MAP1B: variants seen among roughly 807,000 people sequenced by gnomAD.
The protein encoded by MAP1B is microtubule associated protein 1B, also known as microtubule-associated protein 1B.
A neutral mutation model predicts 176.1 loss-of-function variants in MAP1B; 12 were observed. The observed-to-expected ratio is 0.07, with a 90% CI of 0.04 to 0.11. The LOEUF is 0.11. Ranked by LOEUF, MAP1B falls within the 10% of genes least tolerant of loss-of-function variation. The pLI, the probability that MAP1B is intolerant of heterozygous loss-of-function variation, is 1.00. For missense variants in MAP1B, 2,523 were observed against 2,990.5 expected (o/e 0.84, Z 3.65); for synonymous variants, 1,044 against 1,135.0 (o/e 0.92, Z 1.61).
In MAP1B at chr5:72,195,707, C is replaced by G; in HGVS notation, c.2352C>G (p.Val784=). The G allele has an allele frequency of 1.9e-6, 3 of 1,614,190 alleles. No homozygotes were observed. Among genetic ancestry groups the G allele is most frequent in the Non-Finnish European group, 2.5e-6 (3 of 1,180,026 alleles). ...GKPKEKGKIK[V]IKKEGKAAEA... ...CAAAGGAGAAGGGGAAAATAAAAGT[C>G]ATTAAGAAGGAAGGCAAGGCCGCAG... The change falls in exon 5 of 7, where the codon GTC becomes GTG. Residue 784 remains valine (V), a synonymous_variant. Coordinates refer to ENST00000296755, the MANE Select transcript of MAP1B (RefSeq NM_005909.5).
intron 2 of MAP1B, among the ~76,000 whole-genome samples, chr5:72,176,477 G>A (rs1366108650): frequency 6.6e-6 from 1 of 152,200 alleles, no homozygotes; most frequent in East Asian, 1.9e-4. Flanking sequence ...TTTCGTCCAT[G>A]AAGAGAAGAT....
At position 72,138,633 on chromosome 5, in the gene MAP1B, T is replaced by C. The variant is rs551217783; in HGVS notation, c.286+22834T>C. Among the ~76,000 whole-genome samples, 6 of 152,346 alleles carry C rather than the reference T, an allele frequency of 3.9e-5. No individual in the cohort carries two copies. The East Asian group carries it at 5.8e-4, about 15-fold the overall frequency. On this transcript the variant is annotated intron_variant, in intron 2 of 6. Transcript: ENST00000296755. Reference sequence around the variant, plus strand: ...GAAAAAAACCTGAAGTTCTCAACAATAGGGCATGTATAATCAGTAATGATT... The same window carrying C: ...GAAAAAAACCTGAAGTTCTCAACAACAGGGCATGTATAATCAGTAATGATT...
chr5:72,195,260 G>A lies in MAP1B; in HGVS notation c.1905G>A (p.Glu635=), dbSNP rs770695366. 3 of 1,613,624 alleles carry A rather than the reference G, an allele frequency of 1.9e-6. No homozygotes were observed. In the African/African-American group the frequency reaches 4.0e-5, roughly 22 times the overall value. ...ATDVKPKAAK[E]KTVKKETKVK... ...ATGTCAAACCCAAAGCTGCCAAGGA[G>A]AAGACGGTGAAAAAGGAAACAAAGG... Residue 635 remains glutamate (E), a synonymous_variant, in exon 5 of 7, where the codon GAG becomes GAA. Coordinates refer to ENST00000296755, the MANE Select transcript of MAP1B (RefSeq NM_005909.5).
At chr5:72,146,231 G>T (rs894171815) in intron 2 of MAP1B, among the ~76,000 whole-genome samples, 19 of 152,044 alleles carry the variant, frequency 1.2e-4, no homozygotes, top group African/African-American at 4.1e-4. Flanking sequence ...AATGCCCCAG[G>T]GCTGGATCTT....
chr5:72,116,314 C>T (rs185607171), intron 2 of MAP1B: 2 of 302,016 alleles, frequency 6.6e-6, no homozygotes, highest in African/African-American at 2.3e-5. Flanking sequence ...TATACATCAT[C>T]ATTTCATAAT....
intron 1 of MAP1B, among the ~76,000 whole-genome samples, chr5:72,110,375 C>G (rs560101050): frequency 1.2e-4 from 18 of 152,350 alleles, no homozygotes; most frequent in Admixed American, 1.1e-3. Context: ...GCAGATGCTG[C>G]TTTTCCTCTG....
At chr5:72,112,314 C>T (rs538530837) in intron 1 of MAP1B, among the ~76,000 whole-genome samples, 12 of 152,184 alleles carry the variant, frequency 7.9e-5, no homozygotes, top group African/African-American at 2.9e-4. Flanking sequence ...CCACTGTCAC[C>T]TTTAGAAATA....
chr5:72,145,001 T>C (rs1041959505), intron 2 of MAP1B, among the ~76,000 whole-genome samples: 1 of 152,196 alleles, frequency 6.6e-6, no homozygotes, highest in African/African-American at 2.4e-5. Context: ...CTATCTCTGG[T>C]GCTGCCTGTG....
chr5:72,108,880 C>T (rs1169520133), intron 1 of MAP1B, among the ~76,000 whole-genome samples: 2 of 152,198 alleles, frequency 1.3e-5, no homozygotes, highest in Non-Finnish European at 2.9e-5. Context: ...TCGCTCCTGA[C>T]AGAGGTCGCC....
intron 4 of MAP1B, among the ~76,000 whole-genome samples, chr5:72,187,491 T>A (rs1746933180): frequency 6.6e-6 from 1 of 152,166 alleles, no homozygotes; most frequent in South Asian, 2.1e-4. Flanking sequence ...CTTACATGTT[T>A]ATAGCAATTA....
Position 72,107,682 on chromosome 5 carries a change from C to G in MAP1B, c.151C>G (p.His51Asp). Residue 51 changes from histidine to aspartate, a missense_variant, in exon 1 of 7, where the codon CAC becomes GAC. By Grantham distance (81) the His-to-Asp change is moderately conservative. Coordinates refer to ENST00000296755, the MANE Select transcript of MAP1B (RefSeq NM_005909.5). ...VVVGEIVTEE[H>D]LRRAIGNIEL... ...CGTCGGCGAGATCGTGACCGAGGAG[C>G]ACCTGCGGCGTGCCATCGGCAACAT... is the stretch of plus-strand genomic sequence containing the variant. 6.2e-7 allele frequency: 1 copy of G among 1,600,016 alleles called. No individual in the cohort carries two copies. Among genetic ancestry groups the G allele is most frequent in the Non-Finnish European group, 8.5e-7 (1 of 1,179,640 alleles).
At position 72,194,234 on chromosome 5, in the gene MAP1B, C is replaced by T; in HGVS notation, c.879C>T (p.Cys293=). 6.2e-7 allele frequency: 1 copy of T among 1,614,202 alleles called. No individual in the cohort carries two copies. The highest frequency in any genetic ancestry group is 1.1e-5 in the South Asian group (1 of 91,084). The change falls in exon 5 of 7, where the codon TGC becomes TGT. Residue 293 remains cysteine (C), a synonymous_variant. Transcript: ENST00000296755. This position sits in a 1 kb window ranked among gnomAD's most constrained non-coding sequence, Gnocchi z 7.2. Reference sequence around the variant, plus strand: ...ATGGCGGATCAGAGAGAAAATCCTGCTTCTGGAAGCTCATCCGACACTTAG... The same window carrying T: ...ATGGCGGATCAGAGAGAAAATCCTGTTTCTGGAAGCTCATCCGACACTTAG... ...LINGGSERKS[C]FWKLIRHLDR... is the part of the protein sequence containing the mutation.
chr5:72,122,097 G>A lies in MAP1B; in HGVS notation c.286+6298G>A, dbSNP rs149186616. Among the ~76,000 whole-genome samples the A allele has an allele frequency of 2.6e-4, 39 of 152,316 alleles. No homozygotes were observed. In the East Asian group the frequency reaches 6.2e-3, roughly 24 times the overall value. On this transcript the variant is annotated intron_variant, in intron 2 of 6. Transcript: ENST00000296755. ...GTTAGAAGAAAATGACAAATAGAGA[G>A]CATTATATTCGTTAAGGTAACCAGA...
chr5:72,170,113 T>G (rs1009806658), intron 2 of MAP1B, among the ~76,000 whole-genome samples: 5 of 152,346 alleles, frequency 3.3e-5, no homozygotes, highest in African/African-American at 1.2e-4. Flanking sequence ...TAGTGGAAAT[T>G]AAATGAACAC....
chr5:72,121,088 G>T (rs1310908019), intron 2 of MAP1B, among the ~76,000 whole-genome samples: 1 of 152,190 alleles, frequency 6.6e-6, no homozygotes, highest in African/African-American at 2.4e-5. Flanking sequence ...TAAAGTGCTG[G>T]CTGGTAAAGC....
intron 2 of MAP1B, among the ~76,000 whole-genome samples, chr5:72,130,810 C>T (rs1745716609): frequency 6.6e-6 from 1 of 152,072 alleles, no homozygotes; most frequent in South Asian, 2.1e-4. Context: ...CTCTAAGGTC[C>T]TATTTATGTT....
Position 72,123,553 on chromosome 5 carries a change from C to T in MAP1B, c.286+7754C>T, listed in dbSNP as rs942679858. 3.3e-5 allele frequency among the ~76,000 whole-genome samples: 5 copies of T among 151,680 alleles called. No homozygotes were observed. In the South Asian group the frequency reaches 6.2e-4, roughly 19 times the overall value. Reference sequence around the variant, plus strand: ...AGGCTGGAGTGCAGTGGTGCGATCTCGGCTCACTGCAAGCTATGCCTCCCA... The same window carrying T: ...AGGCTGGAGTGCAGTGGTGCGATCTTGGCTCACTGCAAGCTATGCCTCCCA... On this transcript the variant is annotated intron_variant, in intron 2 of 6. Coordinates refer to ENST00000296755, the MANE Select transcript of MAP1B (RefSeq NM_005909.5).
Position 72,194,792 on chromosome 5 carries a change from C to T in MAP1B, c.1437C>T (p.Asn479=). Residue 479 remains asparagine (N), a synonymous_variant, in exon 5 of 7, where the codon AAC becomes AAT. Coordinates refer to ENST00000296755, the MANE Select transcript of MAP1B (RefSeq NM_005909.5). The surrounding 1 kb of genome is among the most constrained non-coding windows in gnomAD (Gnocchi z 7.2). ...VSSLIVWHPA[N]PAEKIIRVLF... is the part of the protein sequence containing the mutation. Reference sequence around the variant, plus strand: ...CTTTGATTGTGTGGCATCCAGCAAACCCTGCGGAGAAAATCATCCGAGTCC... The same window carrying T: ...CTTTGATTGTGTGGCATCCAGCAAATCCTGCGGAGAAAATCATCCGAGTCC... The T allele has an allele frequency of 6.2e-7, 1 of 1,614,176 alleles. No homozygotes were observed. Among genetic ancestry groups the T allele is most frequent in the Non-Finnish European group, 8.5e-7 (1 of 1,180,028 alleles).
At position 72,206,087 on chromosome 5, in the gene MAP1B, C is replaced by A. The variant is rs1049892622; in HGVS notation, c.*848C>A. 2 of 152,682 alleles carry A rather than the reference C, an allele frequency of 1.3e-5. No individual in the cohort carries two copies. Among genetic ancestry groups the A allele is most frequent in the African/African-American group, 4.8e-5 (2 of 41,422 alleles). 9.5% of individuals were successfully genotyped at this position (152,682 alleles called of 1,614,324 possible). A position where few individuals can be genotyped will look rare whatever the true frequency, so the allele number is the denominator to read the frequency against. ...TCCACCCACTTAGTCCACTCTGAGT[C>A]GATTAACCTGCATGCAGCAACACCC... On this transcript the variant is annotated 3_prime_UTR_variant, in exon 7 of 7. Coordinates refer to ENST00000296755, the MANE Select transcript of MAP1B (RefSeq NM_005909.5).
Sources: allele counts gnomAD v4.1 joint callset (sites outside exome capture counted in the v4.1 genomes callset), GRCh38; gene constraint gnomAD v4.1.1; non-coding constraint Gnocchi (gnomAD v3.1); transcripts MANE v1.5; gene names NCBI Gene and HGNC (gene_info 2026-07-23, HGNC 2026-07-21).